The following PXT1 variants were observed in gnomAD, a reference collection of about 807,000 sequenced individuals.
PXT1 encodes the protein peroxisomal testis-specific protein 1.
In PXT1, 11 loss-of-function variants were observed where a neutral mutation model predicts 11.0. The ratio of observed to expected loss-of-function variants is 1.00; its 90% CI spans 0.63 to 1.66. The LOEUF (loss-of-function observed/expected upper bound fraction) is 1.66, where lower values mean the gene tolerates loss of function less well. Among genes scored for constraint, PXT1 ranks in the 40% most tolerant of loss-of-function variants. PXT1 has a pLI of 0.00. For synonymous variants in PXT1, 43 were observed against 51.4 expected (o/e 0.84, Z 0.70); for missense variants, 141 against 155.5 (o/e 0.91, Z 0.49).
At chr6:36,392,762 G>A (rs553456073) in intron 4 of PXT1, among the ~76,000 whole-genome samples, 115 of 152,200 alleles carry the variant, frequency 7.6e-4, no homozygotes, top group African/African-American at 2.3e-3. Context: ...TGTTTATGTC[G>A]GAACATCAGA....
intron 3 of PXT1, 109 bp downstream of exon 3, chr6:36,425,805 A>ACAAACAAACAAAAAAAAATAT (rs763685304): frequency 3.1e-6 from 1 of 321,510 alleles, no homozygotes; most frequent in African/African-American, 2.3e-5. Context: ...AAAAACAAAA[A>ACAAACAAACAAAAAAAAATAT]ATATATATAT....
intron 4 of PXT1, among the ~76,000 whole-genome samples, chr6:36,397,790 A>C (rs139624029): frequency 1.2e-4 from 18 of 152,302 alleles, no homozygotes; most frequent in Admixed American, 1.0e-3. Flanking sequence ...GCAGGAGCCC[A>C]GGAATCCAGG....
intron 2 of PXT1, among the ~76,000 whole-genome samples, chr6:36,426,437 C>T (rs1464269255): frequency 7.1e-6 from 1 of 140,514 alleles, no homozygotes; most frequent in African/African-American, 2.6e-5. Context: ...ATGGCCCCAT[C>T]TCGGCTCACC....
chr6:36,431,123 G>A (rs1774685723), intron 2 of PXT1, among the ~76,000 whole-genome samples: 1 of 151,968 alleles, frequency 6.6e-6, no homozygotes, highest in Admixed American at 6.6e-5. Flanking sequence ...GCCGTAAATT[G>A]TCATTTTAAA....
chr6:36,426,123 C>A (rs1774602995), intron 2 of PXT1, 32 bp from the exon 3 acceptor site: 2 of 1,303,574 alleles, frequency 1.5e-6, no homozygotes, highest in African/African-American at 3.0e-5. Flanking sequence ...GAGGCTTTCC[C>A]CCATTTCTCA....
intron 3 of PXT1, among the ~76,000 whole-genome samples, chr6:36,415,314 G>C (rs997431803): frequency 6.6e-6 from 1 of 152,014 alleles, no homozygotes; most frequent in Non-Finnish European, 1.5e-5. Context: ...ATGGTGGCGC[G>C]TGCCTGTAAT....
intron 2 of PXT1, among the ~76,000 whole-genome samples, chr6:36,435,109 G>T (rs146690250): frequency 6.6e-6 from 1 of 151,870 alleles, no homozygotes; most frequent in African/African-American, 2.4e-5. Context: ...AAAGAAAAAA[G>T]AAAAATTAGC....
At chr6:36,426,334 GTCTT>G (rs1774606173) in intron 2 of PXT1, among the ~76,000 whole-genome samples, 1 of 124,922 alleles carries the variant, frequency 8.0e-6, no homozygotes, top group Admixed American at 8.4e-5. Flanking sequence ...TCTCCCATTA[GTCTT>G]TCTTCTCTCT....
chr6:36,438,545 T>G (rs1482398470), intron 2 of PXT1, among the ~76,000 whole-genome samples: 1 of 152,134 alleles, frequency 6.6e-6, no homozygotes, highest in African/African-American at 2.4e-5. Flanking sequence ...CGCCTCAGCC[T>G]CCCGAGTACC....
At chr6:36,437,724 G>C (rs1020159101) in intron 2 of PXT1, among the ~76,000 whole-genome samples, 2 of 150,010 alleles carry the variant, frequency 1.3e-5, no homozygotes, top group Non-Finnish European at 3.0e-5. Flanking sequence ...CACCGTGTTA[G>C]CCAGGATGGT....
chr6:36,403,845 G>GT (rs1561926152), intron 3 of PXT1, among the ~76,000 whole-genome samples: 3 of 152,308 alleles, frequency 2.0e-5, no homozygotes, highest in Admixed American at 6.5e-5. Flanking sequence ...TCCAGCCTGG[G>GT]TGACAGAGAG....
At chr6:36,418,975 CGGT>C (rs571239050) in intron 3 of PXT1, among the ~76,000 whole-genome samples, 3 of 152,316 alleles carry the variant, frequency 2.0e-5, no homozygotes, top group Admixed American at 2.0e-4. Flanking sequence ...GTCCCTAAGT[CGGT>C]GGCTTACGGC....
intron 2 of PXT1, among the ~76,000 whole-genome samples, chr6:36,435,390 C>G (rs1474114076): frequency 2.0e-5 from 3 of 151,866 alleles, no homozygotes; most frequent in Non-Finnish European, 4.4e-5. Flanking sequence ...AGACCCCCAT[C>G]TCTACAAAAA....
chr6:36,437,944 C>T (rs1774791977), intron 2 of PXT1, among the ~76,000 whole-genome samples: 1 of 150,510 alleles, frequency 6.6e-6, no homozygotes, highest in Non-Finnish European at 1.5e-5. Flanking sequence ...CTCAGCCTCC[C>T]GAGTAGCTGG....
intron 4 of PXT1, among the ~76,000 whole-genome samples, chr6:36,393,928 T>C (rs908884569): frequency 6.6e-6 from 1 of 152,220 alleles, no homozygotes; most frequent in Non-Finnish European, 1.5e-5. Context: ...TATTGTCTCT[T>C]TGATCACTCC....
intron 2 of PXT1, among the ~76,000 whole-genome samples, chr6:36,434,207 C>CA (rs1408075733): frequency 2.0e-5 from 3 of 151,612 alleles, no homozygotes; most frequent in Non-Finnish European, 4.4e-5. Context: ...CAAAGAAATG[C>CA]AAAAAAACAT....
At chr6:36,407,387 GA>G (rs1382195363) in intron 3 of PXT1, among the ~76,000 whole-genome samples, 6 of 152,040 alleles carry the variant, frequency 3.9e-5, no homozygotes, top group Non-Finnish European at 8.8e-5. Context: ...CAAAATGAAT[GA>G]AAAAAGTAAA....
Position 36,400,581 on chromosome 6 carries a change from T to TG in PXT1, c.172dup (p.His58ProfsTer2). ...CTCCTTGGGCTGAGAAAGTAGATTA[T>TG]GATCTGCATTGAGAAAAAAGAGTTC... On this transcript the variant is annotated frameshift_variant, in exon 4 of 5. Coordinates refer to ENST00000454782, the MANE Select transcript of PXT1 (RefSeq NM_152990.4). LOFTEE classifies it high-confidence loss of function. 6.2e-7 allele frequency: 1 copy of TG among 1,612,330 alleles called. No individual in the cohort carries two copies. Among genetic ancestry groups the TG allele is most frequent in the South Asian group, 1.1e-5 (1 of 91,022 alleles).
At chr6:36,401,644 T>C (rs1286111627) in intron 3 of PXT1, among the ~76,000 whole-genome samples, 1 of 150,632 alleles carries the variant, frequency 6.6e-6, no homozygotes, top group African/African-American at 2.4e-5. Flanking sequence ...TAGATTCACA[T>C]ATCCAGGTCA....
Sources: allele counts gnomAD v4.1 joint callset (sites outside exome capture counted in the v4.1 genomes callset), GRCh38; gene constraint gnomAD v4.1.1; transcripts MANE v1.5; gene names NCBI Gene and HGNC (gene_info 2026-07-23, HGNC 2026-07-21).